Variants in TEAD1 observed in about 807,000 individuals in gnomAD.
The protein encoded by TEAD1 is TEA domain transcription factor 1.
In TEAD1, 9 loss-of-function variants were observed where a neutral mutation model predicts 54.9. That is an observed-to-expected ratio of 0.16 (90% CI 0.10 to 0.29). TEAD1 has a LOEUF of 0.29. Ranked by LOEUF, TEAD1 falls within the 10% of genes least tolerant of loss-of-function variation. The pLI is 1.00. For synonymous variants in TEAD1, 200 were observed against 187.8 expected, an observed-to-expected ratio of 1.07 and a Z score of -0.53; for missense variants, 387 against 535.9, an observed-to-expected ratio of 0.72 and a Z score of 2.74.
intron 8 of TEAD1, among the ~76,000 whole-genome samples, chr11:12,882,437 C>T (rs1377501757): frequency 1.3e-5 from 2 of 152,158 alleles, no homozygotes; most frequent in African/African-American, 4.8e-5. Flanking sequence ...GCGCACCCCC[C>T]ATCCCCACCT....
chr11:12,850,924 A>G (rs1383318211), intron 3 of TEAD1: 2 of 256,432 alleles, frequency 7.8e-6, no homozygotes, highest in African/African-American at 2.3e-5. Context: ...TGCATTGGTC[A>G]TAAGAGACGA....
Position 12,872,455 on chromosome 11 carries a change from T to C in TEAD1, c.331-7253T>C, listed in dbSNP as rs1030586431. Among the ~76,000 whole-genome samples the C allele has an allele frequency of 5.0e-4, 76 of 152,384 alleles. 1 individual carries two copies. The highest frequency in any genetic ancestry group is 3.8e-4 in the African/African-American group (16 of 41,590). ...GGAGTTCTTTTGCATTTATGACATA[T>C]ACGCTTTCTCCTCAAAGATATTTTT... On this transcript the variant is annotated intron_variant, in intron 5 of 12. Transcript: ENST00000527636.
chr11:12,861,217 G>C (rs1311484104), intron 3 of TEAD1, among the ~76,000 whole-genome samples: 2 of 152,280 alleles, frequency 1.3e-5, no homozygotes, highest in African/African-American at 4.8e-5. Flanking sequence ...TGGTATTTTG[G>C]TAATACATTC....
At chr11:12,784,794 G>A (rs1945642712) in intron 3 of TEAD1, among the ~76,000 whole-genome samples, 1 of 152,182 alleles carries the variant, frequency 6.6e-6, no homozygotes, top group Middle Eastern at 3.2e-3. Flanking sequence ...CGCTCCATGT[G>A]TGATCTCCTT....
chr11:12,911,454 CAT>C (rs1175073214), intron 10 of TEAD1, among the ~76,000 whole-genome samples: 1 of 152,170 alleles, frequency 6.6e-6, no homozygotes, highest in African/African-American at 2.4e-5. Context: ...TTGCTTTCCA[CAT>C]GTTTTGAACT....
At chr11:12,854,062 C>G (rs1947324896) in intron 3 of TEAD1, among the ~76,000 whole-genome samples, 1 of 152,138 alleles carries the variant, frequency 6.6e-6, no homozygotes, top group Non-Finnish European at 1.5e-5. Context: ...CAAGTAGTAC[C>G]AGCCCCTGAC....
At chr11:12,775,585 T>C (rs1163137236) in intron 3 of TEAD1, among the ~76,000 whole-genome samples, 1 of 152,208 alleles carries the variant, frequency 6.6e-6, no homozygotes, top group Non-Finnish European at 1.5e-5. Context: ...AAATGATCAT[T>C]ATTGATGGTA....
chr11:12,739,218 ATCTG>A (rs775017610), intron 2 of TEAD1, among the ~76,000 whole-genome samples: 23,516 of 141,888 alleles, frequency 0.17, 2,001 homozygotes, highest in African/African-American at 0.27. Flanking sequence ...CTATCTATCT[ATCTG>A]TCTATCTATC....
At chr11:12,756,383 C>T (rs1209144010) in intron 2 of TEAD1, among the ~76,000 whole-genome samples, 1 of 152,194 alleles carries the variant, frequency 6.6e-6, no homozygotes, top group Non-Finnish European at 1.5e-5. Context: ...TCTGTGCTTC[C>T]ATCTCTTCTG....
rs1482803474 is a variant in TEAD1, at chr11:12,938,636, A to G, written c.*1414A>G. The G allele has an allele frequency of 1.3e-5, 2 of 152,234 alleles. No individual in the cohort carries two copies. The highest frequency in any genetic ancestry group is 4.8e-5 in the African/African-American group (2 of 41,466). The allele number at this position is 152,234 out of a possible 1,614,324, so 9.4% of individuals were successfully genotyped here. A position where few individuals can be genotyped will look rare whatever the true frequency, so the allele number is the denominator to read the frequency against. ...TTAGGTTTAAGAGGCCCAGCTACCTATCTCTGACCTTTTCAAATAGGCTCA... is the reference window on the plus strand; with the variant it reads ...TTAGGTTTAAGAGGCCCAGCTACCTGTCTCTGACCTTTTCAAATAGGCTCA... On this transcript the variant is annotated 3_prime_UTR_variant, in exon 13 of 13. Coordinates refer to ENST00000527636, the MANE Select transcript of TEAD1 (RefSeq NM_021961.6).
Position 12,922,192 on chromosome 11 carries a change from C to CTTTTTTTTTTTTTTT in TEAD1, c.874-2712_874-2698dup, listed in dbSNP as rs756723520. ...AGGGGAATGTGGAGTACATGGTTCT[C>CTTTTTTTTTTTTTTT]TTTTTTTTTTTTTTTTTTTTTTGAG... On this transcript the variant is annotated intron_variant, in intron 10 of 12. Coordinates refer to ENST00000527636, the MANE Select transcript of TEAD1 (RefSeq NM_021961.6). Among the ~76,000 whole-genome samples the CTTTTTTTTTTTTTTT allele has an allele frequency of 6.7e-4, 63 of 94,498 alleles. 5 individuals are homozygous for CTTTTTTTTTTTTTTT. The highest frequency in any genetic ancestry group is 2.6e-3 in the African/African-American group (60 of 23,144). The allele number at this position is 94,498 out of a possible 152,430, so 62.0% of individuals were successfully genotyped here.
intron 8 of TEAD1, among the ~76,000 whole-genome samples, chr11:12,882,317 T>C (rs1311288805): frequency 6.6e-6 from 1 of 152,216 alleles, no homozygotes; most frequent in African/African-American, 2.4e-5. Flanking sequence ...TCACCCTTTC[T>C]TAGATAAGTA....
At chr11:12,854,615 A>G (rs1025104103) in intron 3 of TEAD1, among the ~76,000 whole-genome samples, 1 of 152,038 alleles carries the variant, frequency 6.6e-6, no homozygotes, top group African/African-American at 2.4e-5. Flanking sequence ...TTTTTTAGAC[A>G]GGGTCTCACT....
chr11:12,780,693 T>C (rs1590143837), intron 3 of TEAD1, among the ~76,000 whole-genome samples: 1 of 152,204 alleles, frequency 6.6e-6, no homozygotes, highest in Non-Finnish European at 1.5e-5. Flanking sequence ...AAAATATTGT[T>C]TAAATAAATT....
chr11:12,930,612 A>C (rs1450142026), intron 12 of TEAD1, among the ~76,000 whole-genome samples: 1 of 152,218 alleles, frequency 6.6e-6, no homozygotes, highest in Non-Finnish European at 1.5e-5. Context: ...CTCTGGCTGC[A>C]GAGTAGAAAG....
intron 12 of TEAD1, among the ~76,000 whole-genome samples, chr11:12,931,888 T>A (rs1038904824): frequency 4.6e-5 from 7 of 151,442 alleles, no homozygotes; most frequent in Admixed American, 1.3e-4. Flanking sequence ...ATAAAATGAG[T>A]CCCTGGAGAT....
chr11:12,682,653 T>C (rs1173061269), intron 2 of TEAD1, among the ~76,000 whole-genome samples: 1 of 152,180 alleles, frequency 6.6e-6, no homozygotes, highest in Admixed American at 6.5e-5. Flanking sequence ...CAGATGCTCC[T>C]GGTTTTCACG....
intron 2 of TEAD1, among the ~76,000 whole-genome samples, chr11:12,742,180 T>C (rs1944662363): frequency 6.6e-6 from 1 of 152,256 alleles, no homozygotes; most frequent in Non-Finnish European, 1.5e-5. Context: ...GTCTCACAAA[T>C]ACATTTAGAC....
chr11:12,892,943 G>A (rs1290231139), intron 9 of TEAD1, among the ~76,000 whole-genome samples: 1 of 152,172 alleles, frequency 6.6e-6, no homozygotes, highest in African/African-American at 2.4e-5. Flanking sequence ...GTGCAGCTCT[G>A]TGTGGCCTGG....
Sources: gnomAD v4.1 joint callset for allele counts (sites outside exome capture counted in the v4.1 genomes callset) on GRCh38, gnomAD v4.1.1 for gene constraint, MANE v1.5 for transcripts, NCBI Gene and HGNC (gene_info 2026-07-23, HGNC 2026-07-21) for gene names.